The following NELL1 variants were observed in gnomAD, a reference collection of about 807,000 sequenced individuals.
NELL1 encodes protein kinase C-binding protein NELL1.
NELL1 carries 76 observed loss-of-function variants against 107.4 expected under a neutral mutation model. That is an observed-to-expected ratio of 0.71 (90% CI 0.59 to 0.86). The LOEUF (loss-of-function observed/expected upper bound fraction) is 0.86. Among genes scored for constraint, NELL1 ranks in the 40% least tolerant of loss-of-function variants. NELL1 has a pLI of 0.00. For synonymous variants in NELL1, 353 were observed against 341.2 expected, an observed-to-expected ratio of 1.03 and a Z score of -0.38; for missense variants, 1,024 against 1,005.5, an observed-to-expected ratio of 1.02 and a Z score of -0.25.
intron 13 of NELL1, among the ~76,000 whole-genome samples, chr11:21,207,789 C>T (rs557802064): frequency 3.0e-4 from 45 of 152,272 alleles, no homozygotes; most frequent in Admixed American, 2.7e-3. Flanking sequence ...TTTGCCAAAC[C>T]TCTCCTAAGT....
chr11:20,924,088 A>G (rs903256687), intron 7 of NELL1, among the ~76,000 whole-genome samples: 5 of 152,212 alleles, frequency 3.3e-5, no homozygotes, highest in African/African-American at 4.8e-5. Context: ...TACCGTATCT[A>G]TTTCGAATCT....
chr11:20,864,233 G>A (rs1849053480), intron 4 of NELL1, among the ~76,000 whole-genome samples: 3 of 152,188 alleles, frequency 2.0e-5, no homozygotes, highest in Non-Finnish European at 2.9e-5. Flanking sequence ...CAGGCTGTTT[G>A]AAATATATAT....
intron 12 of NELL1, among the ~76,000 whole-genome samples, chr11:20,991,605 A>G (rs1851973009): frequency 6.6e-6 from 1 of 152,332 alleles, no homozygotes; most frequent in South Asian, 2.1e-4. Flanking sequence ...ACAATGGAGA[A>G]GGCATGTCTG....
chr11:21,302,293 C>G (rs1402618774), intron 14 of NELL1, among the ~76,000 whole-genome samples: 1 of 151,998 alleles, frequency 6.6e-6, no homozygotes, highest in Non-Finnish European at 1.5e-5. Flanking sequence ...GTTGGTACTA[C>G]TTGGCTGAGG....
chr11:21,541,662 C>T (rs1856296082), intron 16 of NELL1, among the ~76,000 whole-genome samples: 1 of 152,052 alleles, frequency 6.6e-6, no homozygotes, highest in Non-Finnish European at 1.5e-5. Flanking sequence ...GTTTTAAGGA[C>T]ATTAAGCCTA....
intron 16 of NELL1, among the ~76,000 whole-genome samples, chr11:21,550,484 T>TA (rs1856552831): frequency 6.6e-6 from 1 of 152,078 alleles, no homozygotes; most frequent in Non-Finnish European, 1.5e-5. Context: ...GTCTAATGTT[T>TA]AAGTCTTTAA....
chr11:21,522,360 T>C (rs556337542), intron 15 of NELL1, among the ~76,000 whole-genome samples: 121 of 152,310 alleles, frequency 7.9e-4, no homozygotes, highest in African/African-American at 2.8e-3. Context: ...GTGTTAGATA[T>C]ACACAATGGA....
intron 4 of NELL1, among the ~76,000 whole-genome samples, chr11:20,882,005 G>T (rs1204071277): frequency 6.6e-6 from 1 of 152,182 alleles, no homozygotes; most frequent in Admixed American, 6.5e-5. Context: ...CACTATATTA[G>T]CTGTGACTTT....
intron 13 of NELL1, among the ~76,000 whole-genome samples, chr11:21,212,190 G>A (rs1857512053): frequency 6.6e-6 from 1 of 152,000 alleles, no homozygotes; most frequent in Non-Finnish European, 1.5e-5. Context: ...ATAATATTAG[G>A]CCATATACAA....
chr11:21,110,661 T>A (rs1263874500), intron 12 of NELL1, among the ~76,000 whole-genome samples: 1 of 152,254 alleles, frequency 6.6e-6, no homozygotes, highest in Middle Eastern at 3.4e-3. Context: ...GGGCTGAAGA[T>A]TGAATTGCCT....
intron 2 of NELL1, among the ~76,000 whole-genome samples, chr11:20,778,347 T>C (rs1183215067): frequency 6.6e-6 from 1 of 152,142 alleles, no homozygotes; most frequent in Non-Finnish European, 1.5e-5. Flanking sequence ...GGAAGCAAGG[T>C]ATATGCTTGT....
intron 3 of NELL1, among the ~76,000 whole-genome samples, chr11:20,837,553 G>A (rs1343254687): frequency 6.6e-6 from 1 of 152,120 alleles, no homozygotes; most frequent in African/African-American, 2.4e-5. Context: ...GAAGGAACAA[G>A]CCTTCCTTGG....
intron 14 of NELL1, among the ~76,000 whole-genome samples, chr11:21,245,042 A>G (rs967263882): frequency 1.3e-5 from 2 of 152,188 alleles, no homozygotes; most frequent in Non-Finnish European, 2.9e-5. Flanking sequence ...TCCATGCTTA[A>G]GATCCTGCCA....
chr11:21,174,775 A>G (rs1856678774), intron 13 of NELL1, among the ~76,000 whole-genome samples: 1 of 151,828 alleles, frequency 6.6e-6, no homozygotes, highest in Non-Finnish European at 1.5e-5. Flanking sequence ...ATATGGCTGC[A>G]GAAGAGATAA....
At chr11:21,046,467 C>T (rs996377773) in intron 12 of NELL1, among the ~76,000 whole-genome samples, 1 of 152,094 alleles carries the variant, frequency 6.6e-6, no homozygotes, top group Non-Finnish European at 1.5e-5. Context: ...CTGGTTTCCT[C>T]TTTTCCCATC....
chr11:21,513,089 A>T (rs1759055426), intron 15 of NELL1, among the ~76,000 whole-genome samples: 1 of 152,106 alleles, frequency 6.6e-6, no homozygotes, highest in African/African-American at 2.4e-5. Flanking sequence ...ATGGTTTGGG[A>T]CCCCAGGCAG....
chr11:20,796,210 T>C (rs902306366), intron 3 of NELL1, among the ~76,000 whole-genome samples: 3 of 152,224 alleles, frequency 2.0e-5, no homozygotes, highest in African/African-American at 4.8e-5. Flanking sequence ...GATGTTGTTA[T>C]AGATAATCTA....
rs184660344 is a variant in NELL1, at chr11:20,905,565, G to A, written c.604-12617G>A. On this transcript the variant is annotated intron_variant, in intron 5 of 19. Transcript: ENST00000357134. ...ACGAAAATGATGTATAAAAAAATGA[G>A]AATATCAATGAAGAGATATAAATTA... Among the ~76,000 whole-genome samples, 10 of 152,206 alleles carry A rather than the reference G, an allele frequency of 6.6e-5. No individual in the cohort carries two copies. In the East Asian group the frequency reaches 1.5e-3, roughly 24 times the overall value.
At chr11:21,574,434 G>A (rs989054729) in intron 19 of NELL1, among the ~76,000 whole-genome samples, 1 of 151,620 alleles carries the variant, frequency 6.6e-6, no homozygotes, top group African/African-American at 2.4e-5. Flanking sequence ...AATTATAAAG[G>A]TATATTTACA....
Sources: allele counts gnomAD v4.1 joint callset (sites outside exome capture counted in the v4.1 genomes callset), GRCh38; gene constraint gnomAD v4.1.1; transcripts MANE v1.5; gene names NCBI Gene and HGNC (gene_info 2026-07-23, HGNC 2026-07-21).